Variants in PCDHGA10 observed in about 807,000 individuals in gnomAD.
The protein encoded by PCDHGA10 is protocadherin gamma-A10.
A neutral mutation model predicts 59.5 loss-of-function variants in PCDHGA10; 42 were observed. That is an observed-to-expected ratio of 0.71 (90% CI 0.55 to 0.91). PCDHGA10 has a LOEUF of 0.91. Ranked by LOEUF, PCDHGA10 falls within the 40% of genes least tolerant of loss-of-function variation. PCDHGA10 has a pLI of 0.00. For synonymous variants in PCDHGA10, 511 were observed against 517.2 expected (o/e 0.99, Z 0.16); for missense variants, 1,111 against 1,198.2 (o/e 0.93, Z 1.07).
rs780380650 is a variant in PCDHGA10 at position 141,432,715 on chromosome 5, C to G, written c.2436+17104C>G. 2.5e-6 allele frequency: 4 copies of G among 1,613,996 alleles called. No homozygotes were observed. Among genetic ancestry groups the G allele is most frequent in the Non-Finnish European group, 3.4e-6 (4 of 1,179,970 alleles). On this transcript the variant is annotated intron_variant, in intron 1 of 3. Transcript: ENST00000398610. The surrounding 1 kb of genome is among the most constrained non-coding windows in gnomAD (Gnocchi z 6.0). ...TGGCCGTCCAGGACCACGGCCAGCC[C>G]CCTCTCTCCGCCACTGTCACGCTCA... is the stretch of plus-strand genomic sequence containing the variant.
rs2095802879 is a variant in PCDHGA10 at position 141,414,929 on chromosome 5, C to T, written c.1754C>T (p.Ser585Phe). 6.2e-7 allele frequency: 1 copy of T among 1,614,152 alleles called. No homozygotes were observed. Among genetic ancestry groups the T allele is most frequent in the Non-Finnish European group, 8.5e-7 (1 of 1,180,048 alleles). Residue 585 changes from serine to phenylalanine, a missense_variant, in exon 1 of 4, where the codon TCC (serine) becomes TTC (phenylalanine). Physicochemically the swap from Ser to Phe is radical, Grantham distance 155. Coordinates refer to ENST00000398610, the MANE Select transcript of PCDHGA10 (RefSeq NM_018913.3). Reference protein sequence around the residue: ...GSTGVELAPRSAEPGYLVTKV... With the variant: ...GSTGVELAPRFAEPGYLVTKV... ...ACAGGCGTGGAGCTGGCGCCCCGCT[C>T]CGCAGAGCCCGGCTACCTGGTGACC...
At chr5:141,478,884 C>A in intron 1 of PCDHGA10, 1 of 1,194,298 alleles carries the variant, frequency 8.4e-7, no homozygotes, top group Non-Finnish European at 1.1e-6. Flanking sequence ...AGCTTGGTAT[C>A]ATTTACATTA....
intron 1 of PCDHGA10, chr5:141,427,227 A>G (rs111948686): frequency 8.8e-6 from 4 of 456,798 alleles, no homozygotes; most frequent in African/African-American, 4.0e-5. Flanking sequence ...CAGTTATACC[A>G]TGAGAGTAGA....
In PCDHGA10 at chr5:141,476,016, G is replaced by C; in HGVS notation, c.2437-18791G>C. On this transcript the variant is annotated intron_variant, in intron 1 of 3. Transcript: ENST00000398610. This position sits in a 1 kb window ranked among gnomAD's most constrained non-coding sequence, Gnocchi z 7.6. ...TCAACGGCATCCAGAAAGCCATGTC[G>C]GACTCGGCGCCCAGCGCCCAAGCGC... 1 of 1,359,386 alleles carries C rather than the reference G, an allele frequency of 7.4e-7. No homozygotes were observed. The highest frequency in any genetic ancestry group is 2.3e-5 in the East Asian group (1 of 43,300). 84.2% of individuals were successfully genotyped at this position (1,359,386 alleles called of 1,614,324 possible).
At chr5:141,418,899 T>C (rs1320380997) in intron 1 of PCDHGA10, 1 of 1,613,944 alleles carries the variant, frequency 6.2e-7, no homozygotes. Flanking sequence ...AGCCCAGAAA[T>C]AATCATCACG....
At chr5:141,458,774 A>G (rs2154566349) in intron 1 of PCDHGA10, among the ~76,000 whole-genome samples, 1 of 151,812 alleles carries the variant, frequency 6.6e-6, no homozygotes, top group Admixed American at 6.6e-5. Flanking sequence ...GCTGTGTCAC[A>G]CAGGCTGGAG....
chr5:141,415,056 G>T lies in PCDHGA10; in HGVS notation c.1881G>T (p.Thr627=). The T allele has an allele frequency of 6.2e-7, 1 of 1,613,416 alleles. No homozygotes were observed. The stretch of plus-strand genomic sequence containing the variant: ...GACTCTTCGCGGTGGGGGAGCACAC[G>T]GGCGAGGTGCGCACGGCGCGAGCCC... The part of the protein sequence containing the change: ...EPGLFAVGEH[T]GEVRTARALL... The change falls in exon 1 of 4, where the codon ACG becomes ACT. Residue 627 remains threonine (T), a synonymous_variant. Transcript: ENST00000398610.
At position 141,476,716 on chromosome 5, in the gene PCDHGA10, C is replaced by G; in HGVS notation, c.2437-18091C>G. The G allele has an allele frequency of 6.2e-7, 1 of 1,614,148 alleles. No individual in the cohort carries two copies. On this transcript the variant is annotated intron_variant, in intron 1 of 3. Transcript: ENST00000398610. The surrounding 1 kb of genome is among the most constrained non-coding windows in gnomAD (Gnocchi z 7.6). The stretch of plus-strand genomic sequence containing the variant: ...AGTACGCGGAGCTGGTGTTGGAGCG[C>G]GCCCTGGACCGAGAACGGGAGCCTA...
In PCDHGA10 at chr5:141,419,702, G is replaced by A. The variant is rs116279995; in HGVS notation, c.2436+4091G>A. 1.9e-3 allele frequency: 3,028 copies of A among 1,612,950 alleles called. 48 individuals are homozygous for A. In the African/African-American group the frequency reaches 0.033, roughly 18 times the overall value. The stretch of plus-strand genomic sequence containing the variant: ...CCACGTGGTGCAGGCCAGTGAGCCC[G>A]GGCTCTTCAGCCTGGGGCTGCGAAC... On this transcript the variant is annotated intron_variant, in intron 1 of 3. Transcript: ENST00000398610.
intron 1 of PCDHGA10, among the ~76,000 whole-genome samples, chr5:141,449,636 TA>T (rs1448731592): frequency 7.3e-5 from 11 of 150,610 alleles, no homozygotes; most frequent in Non-Finnish European, 1.2e-4. Flanking sequence ...AAGATGTATC[TA>T]TATATACATA....
intron 1 of PCDHGA10, chr5:141,427,630 T>C (rs1043983899): frequency 2.8e-6 from 2 of 702,530 alleles, no homozygotes; most frequent in African/African-American, 1.7e-5. Context: ...AATGCTCCGG[T>C]TTTCCACCAA....
At chr5:141,475,889 T>C in intron 1 of PCDHGA10, 1 of 562,248 alleles carries the variant, frequency 1.8e-6, no homozygotes, top group Non-Finnish European at 3.1e-6. Context: ...GCTGGGACTC[T>C]GTGTGCCGCT....
chr5:141,486,416 C>T lies in PCDHGA10; in HGVS notation c.2437-8391C>T, dbSNP rs2154580601. The T allele has an allele frequency of 6.2e-7, 1 of 1,614,152 alleles. No individual in the cohort carries two copies. The highest frequency in any genetic ancestry group is 8.5e-7 in the Non-Finnish European group (1 of 1,180,016). On this transcript the variant is annotated intron_variant, in intron 1 of 3. Coordinates refer to ENST00000398610, the MANE Select transcript of PCDHGA10 (RefSeq NM_018913.3). This position sits in a 1 kb window ranked among gnomAD's most constrained non-coding sequence, Gnocchi z 5.0. ...CCTGGTGACTGCTGGACCCTTGGAT[C>T]GAGAGGCCAAATCTAGCTATGACAT...
chr5:141,509,207 A>C (rs1263006059), intron 3 of PCDHGA10, among the ~76,000 whole-genome samples: 2 of 151,694 alleles, frequency 1.3e-5, no homozygotes, highest in Non-Finnish European at 2.9e-5. Context: ...CTGTCTCTCT[A>C]TTTCTCAATC....
intron 1 of PCDHGA10, among the ~76,000 whole-genome samples, chr5:141,453,216 C>T (rs565229516): frequency 8.5e-5 from 13 of 152,080 alleles, no homozygotes; most frequent in Non-Finnish European, 1.0e-4. Context: ...TGCACTTAAG[C>T]GATCCTCCCA....
intron 1 of PCDHGA10, among the ~76,000 whole-genome samples, chr5:141,474,185 C>T (rs1481544975): frequency 1.3e-5 from 2 of 152,180 alleles, no homozygotes; most frequent in Non-Finnish European, 2.9e-5. Flanking sequence ...AAACTACTTA[C>T]ATTTTTAAAA....
chr5:141,430,796 C>A, intron 1 of PCDHGA10: 1 of 1,522,232 alleles, frequency 6.6e-7, no homozygotes, highest in Middle Eastern at 1.8e-4. Context: ...CTACAAAGGG[C>A]TTGTCCTGCT....
Position 141,431,474 on chromosome 5 carries a change from G to C in PCDHGA10, c.2436+15863G>C. On this transcript the variant is annotated intron_variant, in intron 1 of 3. Coordinates refer to ENST00000398610, the MANE Select transcript of PCDHGA10 (RefSeq NM_018913.3). The surrounding 1 kb of genome is among the most constrained non-coding windows in gnomAD (Gnocchi z 4.8). The stretch of plus-strand genomic sequence containing the variant: ...GATGGTTCTGGATGCGAACGACAAC[G>C]CACCAGCGTTTGCTCAGCCCGAGTA... 6.2e-7 allele frequency: 1 copy of C among 1,613,842 alleles called. No individual in the cohort carries two copies. The highest frequency in any genetic ancestry group is 8.5e-7 in the Non-Finnish European group (1 of 1,179,958).
At chr5:141,433,398 T>TCTAC (rs1487149690) in intron 1 of PCDHGA10, among the ~76,000 whole-genome samples, 2 of 151,396 alleles carry the variant, frequency 1.3e-5, no homozygotes, top group Non-Finnish European at 2.9e-5. Context: ...TATCTATCTA[T>TCTAC]CTATCTATTA....
Sources: gnomAD v4.1 joint callset for allele counts (sites outside exome capture counted in the v4.1 genomes callset) on GRCh38, gnomAD v4.1.1 for gene constraint, Gnocchi (gnomAD v3.1) non-coding constraint, MANE v1.5 for transcripts, NCBI Gene and HGNC (gene_info 2026-07-23, HGNC 2026-07-21) for gene names.